OXR1: variants seen among roughly 807,000 people sequenced by gnomAD.
OXR1 encodes oxidation resistance protein 1.
Under a neutral mutation model 104.6 loss-of-function variants are expected in OXR1, and 41 were observed. That is an observed-to-expected ratio of 0.39 (90% confidence interval 0.31 to 0.51). The LOEUF is 0.51. Ranked by LOEUF, OXR1 falls within the 20% of genes least tolerant of loss-of-function variation. OXR1 has a pLI of 0.77. For synonymous variants in OXR1, 348 were observed against 348.4 expected (o/e 1.00, Z 0.01); for missense variants, 955 against 1,031.9 (o/e 0.93, Z 1.02).
chr8:106,681,421 T>C (rs1372136711), intron 4 of OXR1, among the ~76,000 whole-genome samples: 1 of 152,216 alleles, frequency 6.6e-6, no homozygotes, highest in African/African-American at 2.4e-5. Flanking sequence ...AAGGAAAATA[T>C]GTATATTATT....
rs185723036 is a variant in OXR1 at position 106,489,895 on chromosome 8, G to A, written c.24-29048G>A. ...CACATAACTTTTTTCCTGTACATAAGGTGATCATATAATTTTTGTCCAGAT... is the reference window on the plus strand; with the variant it reads ...CACATAACTTTTTTCCTGTACATAAAGTGATCATATAATTTTTGTCCAGAT... On this transcript the variant is annotated intron_variant, in intron 2 of 16. Coordinates refer to ENST00000517566, the MANE Select transcript of OXR1 (RefSeq NM_001198533.2). 6.0e-4 allele frequency among the ~76,000 whole-genome samples: 92 copies of A among 152,066 alleles called. 2 individuals are homozygous for A. In the East Asian group the frequency reaches 0.017, roughly 28 times the overall value.
At chr8:106,636,433 T>C (rs1000048636) in intron 3 of OXR1, among the ~76,000 whole-genome samples, 9 of 152,152 alleles carry the variant, frequency 5.9e-5, no homozygotes, top group African/African-American at 2.2e-4. Flanking sequence ...TCTTATATTT[T>C]GTGGCTCCTT....
At chr8:106,617,584 G>A (rs72680994) in intron 3 of OXR1, among the ~76,000 whole-genome samples, 2,163 of 152,294 alleles carry the variant, frequency 0.014, 27 homozygotes, top group South Asian at 0.062. Context: ...ATGCAAAGCA[G>A]TGTGAACTAT....
intron 3 of OXR1, among the ~76,000 whole-genome samples, chr8:106,608,838 T>A (rs1392613473): frequency 6.6e-6 from 1 of 152,178 alleles, no homozygotes; most frequent in East Asian, 1.9e-4. Flanking sequence ...TCATGTTAGG[T>A]TTGGAATGCT....
At chr8:106,658,025 C>T (rs1055848819) in intron 3 of OXR1, 6 of 1,248,602 alleles carry the variant, frequency 4.8e-6, no homozygotes, top group Middle Eastern at 4.1e-4. Flanking sequence ...AGAGTGGGCG[C>T]CTTCTGCGGG....
intron 2 of OXR1, among the ~76,000 whole-genome samples, chr8:106,510,445 C>T (rs1375405576): frequency 4.6e-5 from 7 of 152,072 alleles, no homozygotes; most frequent in African/African-American, 1.7e-4. Flanking sequence ...TATAAACAAA[C>T]CAGCTGGCAA....
At chr8:106,360,295 CT>C (rs1305179640) in intron 2 of OXR1, among the ~76,000 whole-genome samples, 3 of 152,008 alleles carry the variant, frequency 2.0e-5, no homozygotes, top group Non-Finnish European at 1.5e-5. Flanking sequence ...TGAACTTTGA[CT>C]TTTTTATATA....
intron 7 of OXR1, among the ~76,000 whole-genome samples, chr8:106,696,127 C>T (rs1214377930): frequency 6.6e-6 from 1 of 152,130 alleles, no homozygotes; most frequent in African/African-American, 2.4e-5. Flanking sequence ...TCCCTCCTTC[C>T]CTTTCTTTCC....
intron 3 of OXR1, among the ~76,000 whole-genome samples, chr8:106,617,321 G>A (rs1821324687): frequency 6.6e-6 from 1 of 152,162 alleles, no homozygotes. Flanking sequence ...TCCTCAGGAG[G>A]CTGAGGCAGG....
intron 2 of OXR1, among the ~76,000 whole-genome samples, chr8:106,487,949 G>A (rs1372753035): frequency 1.6e-3 from 243 of 150,916 alleles, no homozygotes; most frequent in African/African-American, 5.7e-3. Flanking sequence ...GTAATGGGAT[G>A]GCTGGGTCAA....
intron 3 of OXR1, among the ~76,000 whole-genome samples, chr8:106,548,620 C>G (rs1013219690): frequency 6.6e-6 from 1 of 152,128 alleles, no homozygotes; most frequent in African/African-American, 2.4e-5. Context: ...AGTTTACACT[C>G]TCTTGCTCAA....
At chr8:106,732,835 G>A (rs10090534) in intron 11 of OXR1, among the ~76,000 whole-genome samples, 18,735 of 152,148 alleles carry the variant, frequency 0.12, 1,448 homozygotes, top group East Asian at 0.34. Context: ...ATAATTGCCT[G>A]TAGTTTTTCT....
chr8:106,289,161 A>T (rs1812639494), intron 1 of OXR1, among the ~76,000 whole-genome samples: 1 of 152,180 alleles, frequency 6.6e-6, no homozygotes. Flanking sequence ...CTAGTACTGG[A>T]AGTCTTAGCC....
chr8:106,381,160 G>A (rs888927625), intron 2 of OXR1, among the ~76,000 whole-genome samples: 3 of 152,062 alleles, frequency 2.0e-5, no homozygotes, highest in Admixed American at 2.0e-4. Flanking sequence ...AGTTCACACA[G>A]GACTGGAACT....
chr8:106,530,980 ATTTG>A (rs970803101), intron 3 of OXR1, among the ~76,000 whole-genome samples: 232 of 152,236 alleles, frequency 1.5e-3, no homozygotes, highest in African/African-American at 5.1e-3. Flanking sequence ...AAGTAAGGTT[ATTTG>A]TTAGTTTATT....
At chr8:106,311,677 T>C (rs970922906) in intron 1 of OXR1, among the ~76,000 whole-genome samples, 3 of 152,166 alleles carry the variant, frequency 2.0e-5, no homozygotes, top group Admixed American at 2.0e-4. Flanking sequence ...TTTTTAGATG[T>C]TTAACCAACC....
intron 3 of OXR1, among the ~76,000 whole-genome samples, chr8:106,538,607 T>G (rs893840434): frequency 6.6e-6 from 1 of 152,200 alleles, no homozygotes; most frequent in African/African-American, 2.4e-5. Flanking sequence ...ACTTCTTTAT[T>G]TAGCACAACT....
intron 14 of OXR1, 44 bp from the exon 15 acceptor site, chr8:106,742,178 A>G (rs1175773888): frequency 9.5e-7 from 1 of 1,052,174 alleles, no homozygotes. Context: ...TTACTGGAAT[A>G]AATTTGTTAG....
At chr8:106,735,457 C>T (rs1391174226) in intron 11 of OXR1, among the ~76,000 whole-genome samples, 1 of 152,112 alleles carries the variant, frequency 6.6e-6, no homozygotes, top group African/African-American at 2.4e-5. Flanking sequence ...AATGCTGATA[C>T]AATTAGGTTA....
Sources: allele counts gnomAD v4.1 joint callset (sites outside exome capture counted in the v4.1 genomes callset), GRCh38; gene constraint gnomAD v4.1.1; transcripts MANE v1.5; gene names NCBI Gene and HGNC (gene_info 2026-07-23, HGNC 2026-07-21).